The following ALMS1 variants were observed in gnomAD, a reference collection of about 807,000 sequenced individuals.
ALMS1 encodes centrosome-associated protein ALMS1.
In ALMS1, 271 loss-of-function variants were observed where a neutral mutation model predicts 352.2. The ratio of observed to expected loss-of-function variants is 0.77; its 90% CI spans 0.70 to 0.85. ALMS1 has a LOEUF of 0.85. ALMS1 is among the 40% of genes least tolerant of loss of function. ALMS1 has a pLI of 0.00. For synonymous variants in ALMS1, 1,865 were observed against 1,761.2 expected, an observed-to-expected ratio of 1.06 and a Z score of -1.48; for missense variants, 5,445 against 4,870.7, an observed-to-expected ratio of 1.12 and a Z score of -3.51.
intron 2 of ALMS1, among the ~76,000 whole-genome samples, chr2:73,414,482 T>TG (rs1671144011): frequency 2.2e-5 from 2 of 89,770 alleles, no homozygotes; most frequent in African/African-American, 6.1e-5. Flanking sequence ...CGTTTTTTTT[T>TG]TTTTTTGTTT....
chr2:73,398,159 G>A (rs1251927542), intron 1 of ALMS1, among the ~76,000 whole-genome samples: 1 of 152,154 alleles, frequency 6.6e-6, no homozygotes, highest in East Asian at 1.9e-4. Flanking sequence ...TAATTTTTGT[G>A]TGTGAAGGAT....
chr2:73,543,307 A>G (rs1674235285), intron 12 of ALMS1, among the ~76,000 whole-genome samples: 2 of 152,202 alleles, frequency 1.3e-5, no homozygotes, highest in Non-Finnish European at 2.9e-5. Flanking sequence ...AAAGCTGCCT[A>G]GCCATATGTA....
chr2:73,592,516 T>C (rs1296885488), intron 16 of ALMS1, among the ~76,000 whole-genome samples: 1 of 152,234 alleles, frequency 6.6e-6, no homozygotes, highest in Non-Finnish European at 1.5e-5. Context: ...GACTGTTTTA[T>C]CAATGTGTGT....
intron 13 of ALMS1, among the ~76,000 whole-genome samples, chr2:73,555,925 G>A (rs910230539): frequency 6.6e-6 from 1 of 152,068 alleles, no homozygotes; most frequent in East Asian, 1.9e-4. Context: ...TTCGTATAAG[G>A]TTTAAAGAAA....
chr2:73,431,270 T>C (rs1012203181), intron 6 of ALMS1, among the ~76,000 whole-genome samples: 4 of 152,156 alleles, frequency 2.6e-5, no homozygotes, highest in East Asian at 1.9e-4. Flanking sequence ...GATGTAGATA[T>C]AGAAATAGAT....
At chr2:73,458,185 T>C (rs1452961713) in intron 9 of ALMS1, 1 of 152,168 alleles carries the variant, frequency 6.6e-6, no homozygotes, top group Non-Finnish European at 1.5e-5. Context: ...AGTTGCGAAA[T>C]AGTGTTTGTC....
chr2:73,547,456 G>A (rs1453621952), intron 12 of ALMS1, among the ~76,000 whole-genome samples: 5 of 152,102 alleles, frequency 3.3e-5, no homozygotes, highest in Non-Finnish European at 7.3e-5. Flanking sequence ...GTCCATTTTG[G>A]AACTTTCCTT....
intron 9 of ALMS1, among the ~76,000 whole-genome samples, chr2:73,468,973 A>G (rs183987072): frequency 6.6e-6 from 1 of 151,088 alleles, no homozygotes; most frequent in Admixed American, 6.6e-5. Flanking sequence ...CCTAAAGGAA[A>G]CTCTCTTAGA....
At chr2:73,484,826 C>T (rs573761047) in intron 9 of ALMS1, among the ~76,000 whole-genome samples, 30 of 152,316 alleles carry the variant, frequency 2.0e-4, no homozygotes, top group East Asian at 1.2e-3. Context: ...TCATTCATTT[C>T]TTCTTCCATC....
At position 73,452,652 on chromosome 2, in the gene ALMS1, C is replaced by G. The variant is rs756560368; in HGVS notation, c.6125C>G (p.Thr2042Arg). The change falls in exon 8 of 23, where the codon ACA becomes AGA. Residue 2042 changes from threonine to arginine, a missense_variant. Transcript: ENST00000613296. ...AATGACCAGAAGACTCCATCCCAGA[C>G]AGCTTTTCATAGTTCCTATTCTCAA... ...GPNDQKTPSQ[T>R]AFHSSYSQTV... The G allele has an allele frequency of 6.2e-7, 1 of 1,613,870 alleles. No individual in the cohort carries two copies. Among genetic ancestry groups the G allele is most frequent in the South Asian group, 1.1e-5 (1 of 91,088 alleles).
chr2:73,542,935 C>T (rs1573007670), intron 12 of ALMS1, among the ~76,000 whole-genome samples: 1 of 152,128 alleles, frequency 6.6e-6, no homozygotes, highest in East Asian at 1.9e-4. Context: ...AATGGCCATA[C>T]TGCCCAAGGT....
intron 11 of ALMS1, among the ~76,000 whole-genome samples, chr2:73,532,414 C>G (rs1304624064): frequency 6.6e-6 from 1 of 152,102 alleles, no homozygotes; most frequent in Non-Finnish European, 1.5e-5. Context: ...GTGCTTTATT[C>G]TGCTGTGGCT....
intron 16 of ALMS1, among the ~76,000 whole-genome samples, chr2:73,587,704 T>C (rs1199291347): frequency 6.6e-6 from 1 of 152,214 alleles, no homozygotes. Context: ...GACTTTTGCA[T>C]CTGTGTTCAT....
At chr2:73,562,741 G>A (rs1415695351) in intron 15 of ALMS1, among the ~76,000 whole-genome samples, 1 of 151,880 alleles carries the variant, frequency 6.6e-6, no homozygotes, top group Non-Finnish European at 1.5e-5. Flanking sequence ...TACAAAATTA[G>A]CCGGGCATGG....
chr2:73,392,026 T>C (rs1178892480), intron 1 of ALMS1, among the ~76,000 whole-genome samples: 1 of 152,136 alleles, frequency 6.6e-6, no homozygotes, highest in African/African-American at 2.4e-5. Context: ...CAGTATTCTT[T>C]ATTTTTTCAT....
At chr2:73,439,054 C>T (rs1475714525) in intron 7 of ALMS1, among the ~76,000 whole-genome samples, 1 of 150,424 alleles carries the variant, frequency 6.6e-6, no homozygotes, top group Non-Finnish European at 1.5e-5. Flanking sequence ...CTTCTTCCTC[C>T]TGCTCCTCCT....
At chr2:73,596,323 G>A (rs142583505) in intron 16 of ALMS1, among the ~76,000 whole-genome samples, 325 of 151,972 alleles carry the variant, frequency 2.1e-3, no homozygotes, top group African/African-American at 7.3e-3. Context: ...CTTTGCATAG[G>A]GATATTTAAT....
chr2:73,546,336 A>G (rs539000423), intron 12 of ALMS1, among the ~76,000 whole-genome samples: 4 of 152,270 alleles, frequency 2.6e-5, no homozygotes, highest in South Asian at 2.1e-4. Context: ...ATTTTCTACA[A>G]TGATCAGGTT....
At chr2:73,487,134 C>T (rs1672867606) in intron 9 of ALMS1, among the ~76,000 whole-genome samples, 1 of 152,232 alleles carries the variant, frequency 6.6e-6, no homozygotes, top group Admixed American at 6.5e-5. Context: ...TGGCCAGCAG[C>T]ACCTTCTGCC....
Sources: allele counts gnomAD v4.1 joint callset (sites outside exome capture counted in the v4.1 genomes callset), GRCh38; gene constraint gnomAD v4.1.1; transcripts MANE v1.5; gene names NCBI Gene and HGNC (gene_info 2026-07-23, HGNC 2026-07-21).